RBM33: variants seen among roughly 807,000 people sequenced by gnomAD.
RBM33 encodes the protein RNA-binding protein 33.
RBM33 carries 28 observed loss-of-function variants against 132.6 expected under a neutral mutation model. That is an observed-to-expected ratio of 0.21 (90% CI 0.16 to 0.29). RBM33 has a LOEUF of 0.29. Among genes scored for constraint, RBM33 ranks in the 10% least tolerant of loss-of-function variants. RBM33 has a pLI of 1.00. For missense variants in RBM33, 1,291 were observed against 1,518.5 expected, an observed-to-expected ratio of 0.85 and a Z score of 2.49; for synonymous variants, 634 against 593.0, an observed-to-expected ratio of 1.07 and a Z score of -1.01.
chr7:155,734,085 C>T (rs1015428952), intron 9 of RBM33, among the ~76,000 whole-genome samples: 15 of 152,216 alleles, frequency 9.9e-5, no homozygotes, highest in African/African-American at 3.6e-4. Context: ...TGCACTAGTG[C>T]CAGCCAGATT....
At chr7:155,740,080 C>T (rs968913144) in intron 12 of RBM33, 54 bp downstream of exon 12, 5 of 1,463,396 alleles carry the variant, frequency 3.4e-6, no homozygotes, top group African/African-American at 2.8e-5. Flanking sequence ...TTTTAACTTA[C>T]AGGACTTGAG....
chr7:155,738,554 A>C (rs939872935), intron 11 of RBM33, 151 bp downstream of exon 11: 1 of 756,858 alleles, frequency 1.3e-6, no homozygotes, highest in South Asian at 2.1e-5. Flanking sequence ...GTTAAAGACA[A>C]CTTTTTTCAA....
intron 6 of RBM33, among the ~76,000 whole-genome samples, chr7:155,704,861 C>G (rs1800070579): frequency 6.6e-6 from 1 of 152,032 alleles, no homozygotes; most frequent in African/African-American, 2.4e-5. Flanking sequence ...ACAAACAATT[C>G]AGAATTGCTA....
At chr7:155,674,232 A>G (rs1400978351) in intron 3 of RBM33, among the ~76,000 whole-genome samples, 1 of 152,008 alleles carries the variant, frequency 6.6e-6, no homozygotes. Flanking sequence ...GCCCAGTGAG[A>G]GAGCCTCGTA....
chr7:155,772,107 G>C (rs1240623952), intron 16 of RBM33, among the ~76,000 whole-genome samples: 1 of 152,232 alleles, frequency 6.6e-6, no homozygotes, highest in Non-Finnish European at 1.5e-5. Context: ...CTCACAGTAA[G>C]CTCTGCTGCA....
At chr7:155,714,047 G>T (rs547053691) in intron 8 of RBM33, among the ~76,000 whole-genome samples, 3 of 152,122 alleles carry the variant, frequency 2.0e-5, no homozygotes, top group Admixed American at 2.0e-4. Flanking sequence ...GAGGAGAGGC[G>T]CTTTGGAGCA....
intron 1 of RBM33, among the ~76,000 whole-genome samples, chr7:155,646,899 T>C (rs1392394178): frequency 6.6e-6 from 1 of 152,244 alleles, no homozygotes; most frequent in African/African-American, 2.4e-5. Context: ...AAACATTTGG[T>C]GAATGAATTA....
rs1410367193 is a variant in RBM33 at position 155,774,695 on chromosome 7, G to A, written c.3464+48G>A. The A allele has an allele frequency of 1.4e-6, 2 of 1,460,450 alleles. No homozygotes were observed. Among genetic ancestry groups the A allele is most frequent in the Admixed American group, 1.7e-5 (1 of 59,822 alleles). 90.5% of individuals were successfully genotyped at this position (1,460,450 alleles called of 1,614,324 possible). On this transcript the variant is annotated intron_variant, in intron 17 of 17. Coordinates refer to ENST00000401878, the MANE Select transcript of RBM33 (RefSeq NM_053043.3). The surrounding 1 kb of genome is among the most constrained non-coding windows in gnomAD (Gnocchi z 4.2). ...GTGGTGATAAGGGGGCGGGAGCAAG[G>A]CCCTCCTTCCTGTGCCCTCCCATCC...
At chr7:155,742,278 A>G (rs1314672389) in intron 13 of RBM33, among the ~76,000 whole-genome samples, 172 bp downstream of exon 13, 3 of 142,618 alleles carry the variant, frequency 2.1e-5, no homozygotes, top group Non-Finnish European at 4.5e-5. Context: ...AAACACTTGT[A>G]TTCTCACTAG....
intron 1 of RBM33, among the ~76,000 whole-genome samples, chr7:155,652,321 A>G (rs73736010): frequency 0.037 from 5,703 of 152,300 alleles, 352 homozygotes; most frequent in African/African-American, 0.13. Context: ...GAAAGCAGCC[A>G]TAGACAATAT....
rs552618893 is a variant in RBM33, at chr7:155,664,819, G to C, written c.44-356G>C. Among the ~76,000 whole-genome samples the C allele has an allele frequency of 7.2e-5, 11 of 152,036 alleles. 1 individual carries two copies. In the South Asian group the frequency reaches 2.3e-3, roughly 32 times the overall value. On this transcript the variant is annotated intron_variant, in intron 1 of 17. Coordinates refer to ENST00000401878, the MANE Select transcript of RBM33 (RefSeq NM_053043.3). Reference sequence around the variant, plus strand: ...GACGATTACAAAAAGTATTATGAAAGTCTCTAACTTTTTAGCATGTCACAT... The same window carrying C: ...GACGATTACAAAAAGTATTATGAAACTCTCTAACTTTTTAGCATGTCACAT...
chr7:155,648,057 A>G (rs1036912764), intron 1 of RBM33, among the ~76,000 whole-genome samples: 2 of 152,328 alleles, frequency 1.3e-5, no homozygotes, highest in Admixed American at 1.3e-4. Context: ...GGTGAGGTGA[A>G]AAAATGGGTG....
At chr7:155,715,079 T>TA (rs1800421149) in intron 8 of RBM33, among the ~76,000 whole-genome samples, 1 of 152,180 alleles carries the variant, frequency 6.6e-6, no homozygotes, top group Non-Finnish European at 1.5e-5. Context: ...CCCACCCTGG[T>TA]TAGCATCGCT....
At chr7:155,722,484 G>A (rs570698559) in intron 9 of RBM33, among the ~76,000 whole-genome samples, 1 of 152,250 alleles carries the variant, frequency 6.6e-6, no homozygotes, top group East Asian at 1.9e-4. Flanking sequence ...GATGTTCTCT[G>A]TTTTACAATT....
intron 13 of RBM33, among the ~76,000 whole-genome samples, chr7:155,743,197 T>C (rs1457794127): frequency 6.6e-6 from 1 of 152,258 alleles, no homozygotes; most frequent in African/African-American, 2.4e-5. Flanking sequence ...TTAAAATCAA[T>C]ATGTGAAAAA....
At chr7:155,654,658 A>G (rs1798444707) in intron 1 of RBM33, among the ~76,000 whole-genome samples, 2 of 152,260 alleles carry the variant, frequency 1.3e-5, no homozygotes, top group African/African-American at 4.8e-5. Context: ...CATCTCAGTT[A>G]TTACCTAGTG....
chr7:155,647,408 G>C (rs1798230044), intron 1 of RBM33, among the ~76,000 whole-genome samples: 1 of 152,120 alleles, frequency 6.6e-6, no homozygotes, highest in African/African-American at 2.4e-5. Flanking sequence ...GTACCACAAA[G>C]TGTCTATAGG....
intron 14 of RBM33, among the ~76,000 whole-genome samples, chr7:155,754,461 G>GGACT (rs1801783117): frequency 6.6e-6 from 1 of 152,178 alleles, no homozygotes. Flanking sequence ...CCTCTGTGAG[G>GGACT]GACTGTGTGG....
intron 1 of RBM33, among the ~76,000 whole-genome samples, chr7:155,657,138 C>T (rs934133739): frequency 6.6e-6 from 1 of 152,292 alleles, no homozygotes; most frequent in Middle Eastern, 3.4e-3. Context: ...AGCCACTTTC[C>T]TTAGTATTTT....
Sources: allele counts gnomAD v4.1 joint callset (sites outside exome capture counted in the v4.1 genomes callset), GRCh38; gene constraint gnomAD v4.1.1; non-coding constraint Gnocchi (gnomAD v3.1); transcripts MANE v1.5; gene names NCBI Gene and HGNC (gene_info 2026-07-23, HGNC 2026-07-21).